The following GRIK1 variants were observed in gnomAD, a reference collection of about 807,000 sequenced individuals.
The protein encoded by GRIK1 is glutamate ionotropic receptor kainate type subunit 1.
In GRIK1, 69 loss-of-function variants were observed where a neutral mutation model predicts 105.7. The observed-to-expected ratio is 0.65, with a 90% CI of 0.54 to 0.80. The LOEUF is 0.80. Among genes scored for constraint, GRIK1 ranks in the 30% least tolerant of loss-of-function variants. GRIK1 has a pLI of 0.00. For synonymous variants in GRIK1, 438 were observed against 431.3 expected, an observed-to-expected ratio of 1.02 and a Z score of -0.19; for missense variants, 1,109 against 1,167.3, an observed-to-expected ratio of 0.95 and a Z score of 0.73.
intron 16 of GRIK1, among the ~76,000 whole-genome samples, chr21:29,545,334 C>G (rs567450280): frequency 6.6e-6 from 1 of 152,208 alleles, no homozygotes; most frequent in Non-Finnish European, 1.5e-5. Context: ...GTGCCTTTCT[C>G]CTCTTCAGAG....
intron 1 of GRIK1, among the ~76,000 whole-genome samples, chr21:29,879,610 T>C (rs2069321292): frequency 1.3e-5 from 2 of 152,286 alleles, no homozygotes; most frequent in Admixed American, 6.5e-5. Context: ...AACCTGGTAA[T>C]TGTAACGTTG....
chr21:29,663,881 TAGG>T (rs923850746), intron 4 of GRIK1, among the ~76,000 whole-genome samples: 8 of 152,064 alleles, frequency 5.3e-5, no homozygotes, highest in Non-Finnish European at 1.0e-4. Flanking sequence ...GGTTAGGAAA[TAGG>T]AGGGGAAAGG....
intron 1 of GRIK1, among the ~76,000 whole-genome samples, chr21:29,739,575 G>C (rs2064876147): frequency 6.6e-6 from 1 of 152,162 alleles, no homozygotes; most frequent in East Asian, 1.9e-4. Context: ...ATTAGGAAGA[G>C]TAAAGGAACA....
At chr21:29,812,800 G>T (rs1297092342) in intron 1 of GRIK1, among the ~76,000 whole-genome samples, 1 of 152,154 alleles carries the variant, frequency 6.6e-6, no homozygotes, top group Non-Finnish European at 1.5e-5. Context: ...CTCATTAAAA[G>T]GTCTGCCTAG....
intron 1 of GRIK1, among the ~76,000 whole-genome samples, chr21:29,786,227 T>G (rs979913120): frequency 1.3e-5 from 2 of 152,144 alleles, no homozygotes; most frequent in African/African-American, 4.8e-5. Context: ...GACCCTGTGA[T>G]CCGCCCGCCT....
At chr21:29,546,062 C>T (rs988514480) in intron 16 of GRIK1, among the ~76,000 whole-genome samples, 6 of 152,296 alleles carry the variant, frequency 3.9e-5, no homozygotes, top group Admixed American at 1.3e-4. Flanking sequence ...ACCCTCTGTC[C>T]TTTTGTCTTC....
At position 29,577,087 on chromosome 21, in the gene GRIK1, A is replaced by G; in HGVS notation, c.2007T>C (p.Asn669=). The G allele has an allele frequency of 1.9e-6, 3 of 1,612,400 alleles. No individual in the cohort carries two copies. Among genetic ancestry groups the G allele is most frequent in the Non-Finnish European group, 2.5e-6 (3 of 1,178,464 alleles). ...TLIIISSYTA[N]LAAFLTVERM... ...TCTCTACTGTCAAGAAGGCAGCCAG[A>G]TTGGCCGTGTAGGATGAAATGATGA... The change falls in exon 14 of 18, where the codon AAT becomes AAC. Residue 669 remains asparagine, a synonymous_variant. Coordinates refer to ENST00000327783, the MANE Select transcript of GRIK1 (RefSeq NM_001330994.2).
At chr21:29,610,201 G>A (rs1049489617) in intron 7 of GRIK1, among the ~76,000 whole-genome samples, 1 of 152,204 alleles carries the variant, frequency 6.6e-6, no homozygotes, top group Non-Finnish European at 1.5e-5. Flanking sequence ...GGAATATTGT[G>A]CAGATGCATT....
chr21:29,669,162 A>G (rs2063117697), intron 4 of GRIK1, among the ~76,000 whole-genome samples: 1 of 152,234 alleles, frequency 6.6e-6, no homozygotes, highest in Non-Finnish European at 1.5e-5. Context: ...ATATGAATAG[A>G]AATAATTACT....
chr21:29,824,529 T>A (rs191530108), intron 1 of GRIK1, among the ~76,000 whole-genome samples: 161 of 152,064 alleles, frequency 1.1e-3, no homozygotes, highest in African/African-American at 3.7e-3. Context: ...TTAGACAGAA[T>A]ATTCAGAAAA....
At chr21:29,757,429 T>G (rs1254263335) in intron 1 of GRIK1, among the ~76,000 whole-genome samples, 1 of 152,262 alleles carries the variant, frequency 6.6e-6, no homozygotes, top group Admixed American at 6.5e-5. Context: ...ATCAATTAAG[T>G]AAACTACACT....
At chr21:29,771,729 A>C (rs1283479369) in intron 1 of GRIK1, among the ~76,000 whole-genome samples, 1 of 152,174 alleles carries the variant, frequency 6.6e-6, no homozygotes, top group Non-Finnish European at 1.5e-5. Flanking sequence ...CCTTGTTGAG[A>C]ATCAGAAGTT....
chr21:29,617,243 C>T (rs2061872976), intron 7 of GRIK1, among the ~76,000 whole-genome samples: 1 of 152,180 alleles, frequency 6.6e-6, no homozygotes, highest in Non-Finnish European at 1.5e-5. Context: ...CCTTTTGGTG[C>T]AGAGAATGCA....
chr21:29,781,077 G>A (rs1363554563), intron 1 of GRIK1, among the ~76,000 whole-genome samples: 1 of 152,094 alleles, frequency 6.6e-6, no homozygotes, highest in Non-Finnish European at 1.5e-5. Context: ...TGACATAGGT[G>A]AGCATTAAAA....
At chr21:29,787,963 A>G (rs2066304590) in intron 1 of GRIK1, among the ~76,000 whole-genome samples, 1 of 152,224 alleles carries the variant, frequency 6.6e-6, no homozygotes, top group African/African-American at 2.4e-5. Flanking sequence ...ACGGTCGAAG[A>G]ATCTTTGTAC....
chr21:29,802,106 C>T (rs563458422), intron 1 of GRIK1, among the ~76,000 whole-genome samples: 7 of 152,278 alleles, frequency 4.6e-5, no homozygotes, highest in African/African-American at 1.7e-4. Context: ...CCCTCAACTG[C>T]CAGACACATG....
intron 17 of GRIK1, 168 bp downstream of exon 17, chr21:29,537,630 A>C: frequency 1.4e-6 from 1 of 711,708 alleles, no homozygotes; most frequent in Non-Finnish European, 2.5e-6. Flanking sequence ...GTAGTATAAA[A>C]CTACCCAGTT....
intron 7 of GRIK1, chr21:29,630,754 TTGTGTG>T (rs140883938): frequency 5.5e-6 from 2 of 365,934 alleles, no homozygotes; most frequent in Non-Finnish European, 1.1e-5. Flanking sequence ...CATCCCTAGT[TTGTGTG>T]TGTGTGTGTG....
At chr21:29,799,717 A>G (rs2066652295) in intron 1 of GRIK1, among the ~76,000 whole-genome samples, 1 of 152,114 alleles carries the variant, frequency 6.6e-6, no homozygotes, top group South Asian at 2.1e-4. Context: ...TTTAGTAGAG[A>G]CAGGATTTCA....
Sources: gnomAD v4.1 joint callset for allele counts (sites outside exome capture counted in the v4.1 genomes callset) on GRCh38, gnomAD v4.1.1 for gene constraint, MANE v1.5 for transcripts, NCBI Gene and HGNC (gene_info 2026-07-23, HGNC 2026-07-21) for gene names.